Variants in STPG2 observed in about 807,000 individuals in gnomAD.
STPG2 encodes the protein sperm-tail PG-rich repeat-containing protein 2.
Under a neutral mutation model 54.2 loss-of-function variants are expected in STPG2, and 56 were observed. The ratio of observed to expected loss-of-function variants is 1.03; its 90% CI spans 0.83 to 1.29. STPG2 has a LOEUF of 1.29. STPG2 is among the 50% of genes most tolerant of loss of function. The pLI is 0.00. For missense variants in STPG2, 596 were observed against 544.9 expected, an observed-to-expected ratio of 1.09 and a Z score of -0.93; for synonymous variants, 200 against 181.8, an observed-to-expected ratio of 1.10 and a Z score of -0.81.
intron 10 of STPG2, among the ~76,000 whole-genome samples, chr4:97,658,377 AG>A (rs1217301973): frequency 1.3e-5 from 2 of 152,244 alleles, no homozygotes; most frequent in African/African-American, 4.8e-5. Context: ...AAGATAAAGC[AG>A]GATAATTTAT....
At chr4:97,561,253 T>G (rs994239179) in intron 10 of STPG2, among the ~76,000 whole-genome samples, 1 of 152,224 alleles carries the variant, frequency 6.6e-6, no homozygotes, top group East Asian at 1.9e-4. Context: ...TGTCTTCTTT[T>G]GAGAAGTGTC....
chr4:97,503,182 C>T (rs183017865), intron 4 of STPG2, among the ~76,000 whole-genome samples: 226 of 151,880 alleles, frequency 1.5e-3, no homozygotes, highest in Non-Finnish European at 2.5e-3. Context: ...TACTGGCTCA[C>T]GGACCAATTA....
intron 4 of STPG2, among the ~76,000 whole-genome samples, chr4:97,542,050 C>T (rs1361899969): frequency 2.6e-5 from 4 of 152,164 alleles, no homozygotes; most frequent in African/African-American, 9.6e-5. Context: ...CCATTCAGGA[C>T]ATAGGCATAG....
At chr4:97,641,468 T>G (rs2148945657) in intron 10 of STPG2, among the ~76,000 whole-genome samples, 1 of 151,650 alleles carries the variant, frequency 6.6e-6, no homozygotes, top group East Asian at 1.9e-4. Context: ...ATATGAACAT[T>G]CATATCTATC....
At chr4:98,001,063 C>A in intron 5 of STPG2, among the ~76,000 whole-genome samples, 1 of 152,012 alleles carries the variant, frequency 6.6e-6, no homozygotes, top group Middle Eastern at 3.2e-3. Context: ...CACTTTGATT[C>A]CGTATTACAT....
chr4:97,863,637 C>T (rs971924560), intron 8 of STPG2, among the ~76,000 whole-genome samples: 4 of 152,006 alleles, frequency 2.6e-5, no homozygotes, highest in Non-Finnish European at 5.9e-5. Context: ...CTGGCAGAGA[C>T]ACAACAAAAA....
chr4:97,937,353 T>G (rs1051209505), intron 8 of STPG2, among the ~76,000 whole-genome samples: 5 of 152,124 alleles, frequency 3.3e-5, no homozygotes, highest in African/African-American at 4.8e-5. Context: ...AGTATGTTAT[T>G]ATCCACCTTT....
At chr4:97,738,353 A>C (rs549552128) in intron 9 of STPG2, among the ~76,000 whole-genome samples, 1 of 152,322 alleles carries the variant, frequency 6.6e-6, no homozygotes, top group Non-Finnish European at 1.5e-5. Flanking sequence ...TCAAATTCAC[A>C]CATAACAATA....
At chr4:97,784,982 G>T (rs765610484) in intron 9 of STPG2, among the ~76,000 whole-genome samples, 9 of 151,902 alleles carry the variant, frequency 5.9e-5, no homozygotes, top group Non-Finnish European at 1.3e-4. Flanking sequence ...AAAGAATTCT[G>T]CCTGAGATGC....
At chr4:97,667,792 T>C (rs1722573937) in intron 10 of STPG2, among the ~76,000 whole-genome samples, 1 of 152,212 alleles carries the variant, frequency 6.6e-6, no homozygotes, top group African/African-American at 2.4e-5. Flanking sequence ...TGCCATTCTC[T>C]CATTACTCTT....
intron 7 of STPG2, among the ~76,000 whole-genome samples, chr4:97,967,185 C>A (rs966137780): frequency 0.015 from 1,550 of 106,744 alleles, no homozygotes; most frequent in African/African-American, 0.016. Flanking sequence ...AAATGGTAAG[C>A]AAAAAAAAAA....
intron 9 of STPG2, among the ~76,000 whole-genome samples, chr4:97,834,497 T>TA (rs535736545): frequency 8.9e-4 from 136 of 152,122 alleles, no homozygotes; most frequent in Non-Finnish European, 1.7e-3. Flanking sequence ...CCCCAGAACT[T>TA]AAAGTATCAT....
intron 5 of STPG2, among the ~76,000 whole-genome samples, chr4:98,019,070 G>T (rs1278099369): frequency 2.0e-5 from 3 of 151,998 alleles, no homozygotes; most frequent in Admixed American, 2.0e-4. Context: ...TGCTTTTGGT[G>T]TTTTAGACAT....
At chr4:98,113,698 T>C (rs1464942906) in intron 3 of STPG2, among the ~76,000 whole-genome samples, 1 of 152,000 alleles carries the variant, frequency 6.6e-6, no homozygotes, top group Non-Finnish European at 1.5e-5. Flanking sequence ...ATTATTATTA[T>C]TACAAGTAGG....
chr4:97,679,155 C>G (rs1181329864), intron 10 of STPG2, among the ~76,000 whole-genome samples: 1 of 151,960 alleles, frequency 6.6e-6, no homozygotes, highest in Non-Finnish European at 1.5e-5. Context: ...ATGGGATGTC[C>G]GGGTCAAATG....
intron 4 of STPG2, among the ~76,000 whole-genome samples, chr4:97,463,217 G>T (rs180965600): frequency 6.6e-6 from 1 of 151,840 alleles, no homozygotes; most frequent in Admixed American, 6.6e-5. Flanking sequence ...TATTGTAACC[G>T]ATACCTCACA....
At chr4:97,712,493 A>G (rs1428314823) in intron 10 of STPG2, among the ~76,000 whole-genome samples, 1 of 152,156 alleles carries the variant, frequency 6.6e-6, no homozygotes, top group Non-Finnish European at 1.5e-5. Context: ...TAGAGATAGA[A>G]AAGTTGTTTA....
chr4:97,949,307 T>C (rs1456169891), intron 7 of STPG2, among the ~76,000 whole-genome samples: 1 of 152,106 alleles, frequency 6.6e-6, no homozygotes, highest in Non-Finnish European at 1.5e-5. Context: ...TTTATATAAA[T>C]CCCTCAATGT....
intron 10 of STPG2, among the ~76,000 whole-genome samples, chr4:97,559,331 T>C (rs13129596): frequency 0.64 from 96,780 of 152,014 alleles, 31,993 homozygotes; most frequent in African/African-American, 0.83. Flanking sequence ...ATTAATTTTA[T>C]ATCTAAGTCT....
Sources: gnomAD v4.1 joint callset for allele counts (sites outside exome capture counted in the v4.1 genomes callset) on GRCh38, gnomAD v4.1.1 for gene constraint, MANE v1.5 for transcripts, NCBI Gene and HGNC (gene_info 2026-07-23, HGNC 2026-07-21) for gene names.